FRMD6: variants seen among roughly 807,000 people sequenced by gnomAD.
FRMD6 encodes FERM domain containing 6.
A neutral mutation model predicts 73.2 loss-of-function variants in FRMD6; 37 were observed. The observed-to-expected ratio is 0.51, with a 90% confidence interval of 0.39 to 0.66. The LOEUF is 0.66. FRMD6 is among the 30% of genes least tolerant of loss of function. The pLI is 0.00. For synonymous variants in FRMD6, 273 were observed against 282.2 expected (o/e 0.97, Z 0.33); for missense variants, 714 against 780.5 (o/e 0.91, Z 1.02).
At chr14:51,434,724 T>G in the FRMD6 span, among the ~76,000 whole-genome samples, 8 of 152,146 alleles carry the variant, frequency 5.3e-5, no homozygotes, top group Non-Finnish European at 1.0e-4. Flanking sequence ...ATTTGCATAG[T>G]CTTAAATTTT....
chr14:51,671,534 GT>G (rs1438372388), intron 1 of FRMD6, among the ~76,000 whole-genome samples: 7 of 152,166 alleles, frequency 4.6e-5, no homozygotes, highest in Admixed American at 1.3e-4. Context: ...ATAGGATCTA[GT>G]TTGAGGCACT....
chr14:51,578,064 G>A (rs7143090), intron 2 of FRMD6, among the ~76,000 whole-genome samples: 47,876 of 151,982 alleles, frequency 0.32, 7,984 homozygotes, highest in African/African-American at 0.41. Context: ...AGAAGCCATC[G>A]TTGCTGTTAT....
chr14:51,415,216 C>A, the FRMD6 span, among the ~76,000 whole-genome samples: 2 of 152,204 alleles, frequency 1.3e-5, no homozygotes, highest in African/African-American at 2.4e-5. Context: ...GAGAGGGCAT[C>A]CCTGTCTTGT....
chr14:51,487,585 A>G (rs1166034051), upstream of FRMD6, among the ~76,000 whole-genome samples: 1 of 152,202 alleles, frequency 6.6e-6, no homozygotes, highest in Non-Finnish European at 1.5e-5. Context: ...ATCCATAGTT[A>G]TTGTTGGAAG....
At chr14:51,550,591 A>C (rs892316129) in intron 1 of FRMD6, among the ~76,000 whole-genome samples, 6 of 91,156 alleles carry the variant, frequency 6.6e-5, no homozygotes, top group Admixed American at 1.1e-4. Flanking sequence ...CCCCCCCGCC[A>C]TGCTTATAGC....
At chr14:51,506,138 C>T (rs749716905) in intron 1 of FRMD6, among the ~76,000 whole-genome samples, 2 of 152,202 alleles carry the variant, frequency 1.3e-5, no homozygotes, top group Non-Finnish European at 2.9e-5. Flanking sequence ...TATGCTCTTT[C>T]CTCTGCATGA....
intron 10 of FRMD6, among the ~76,000 whole-genome samples, chr14:51,718,277 A>C (rs1897341339): frequency 6.6e-6 from 1 of 152,198 alleles, no homozygotes; most frequent in African/African-American, 2.4e-5. Context: ...AATAGGTAGA[A>C]AACAGGCTGG....
chr14:51,545,106 A>G (rs954083156), intron 1 of FRMD6, among the ~76,000 whole-genome samples: 1 of 152,072 alleles, frequency 6.6e-6, no homozygotes, highest in Non-Finnish European at 1.5e-5. Flanking sequence ...TCATTCTTTA[A>G]TTTTTGTTAA....
At chr14:51,510,045 A>G (rs1175330592) in intron 1 of FRMD6, among the ~76,000 whole-genome samples, 3 of 152,236 alleles carry the variant, frequency 2.0e-5, no homozygotes, top group Non-Finnish European at 4.4e-5. Context: ...GCCATTTTGG[A>G]GGAAAACATT....
At chr14:51,414,227 T>C in the FRMD6 span, among the ~76,000 whole-genome samples, 1 of 152,122 alleles carries the variant, frequency 6.6e-6, no homozygotes, top group Non-Finnish European at 1.5e-5. Context: ...AAGTCCTTGC[T>C]CATGCCTATG....
chr14:51,641,594 T>C (rs1891812105), intron 2 of FRMD6, among the ~76,000 whole-genome samples: 1 of 152,134 alleles, frequency 6.6e-6, no homozygotes, highest in South Asian at 2.1e-4. Flanking sequence ...ATCTCACTCT[T>C]TAGGTCCCAA....
At chr14:51,696,274 T>G (rs1018563517) in intron 2 of FRMD6, among the ~76,000 whole-genome samples, 2 of 151,570 alleles carry the variant, frequency 1.3e-5, no homozygotes, top group African/African-American at 4.8e-5. Flanking sequence ...CTATCCAAAC[T>G]CTAATAAACC....
chr14:51,648,223 G>A (rs1273916936), upstream of FRMD6, among the ~76,000 whole-genome samples: 1 of 152,150 alleles, frequency 6.6e-6, no homozygotes, highest in East Asian at 1.9e-4. Flanking sequence ...GAAAATACCT[G>A]TAAAGGAATG....
the FRMD6 span, among the ~76,000 whole-genome samples, chr14:51,442,645 A>G: frequency 6.6e-6 from 1 of 152,202 alleles, no homozygotes; most frequent in Non-Finnish European, 1.5e-5. Flanking sequence ...GGCAGAAACT[A>G]TGCCTTTTAA....
intron 1 of FRMD6, among the ~76,000 whole-genome samples, chr14:51,564,415 T>C (rs1025378816): frequency 6.6e-6 from 1 of 152,136 alleles, no homozygotes; most frequent in Non-Finnish European, 1.5e-5. Flanking sequence ...TTAAAAGTTT[T>C]AAATGAGATG....
intron 1 of FRMD6, among the ~76,000 whole-genome samples, chr14:51,504,414 G>T (rs1371894759): frequency 6.6e-6 from 1 of 152,224 alleles, no homozygotes; most frequent in Non-Finnish European, 1.5e-5. Context: ...AACGGGGTCA[G>T]GCACTTGCTT....
the FRMD6 span, among the ~76,000 whole-genome samples, chr14:51,433,665 G>C: frequency 1.3e-5 from 2 of 152,346 alleles, no homozygotes; most frequent in East Asian, 3.9e-4. Context: ...GTTACCTACA[G>C]AGGGTAGATG....
chr14:51,440,151 T>C, the FRMD6 span, among the ~76,000 whole-genome samples: 1 of 152,232 alleles, frequency 6.6e-6, no homozygotes, highest in South Asian at 2.1e-4. Flanking sequence ...GCTAACAAAC[T>C]TCAGCAGATC....
At chr14:51,673,068 G>A (rs1894133379) in intron 1 of FRMD6, among the ~76,000 whole-genome samples, 2 of 152,134 alleles carry the variant, frequency 1.3e-5, no homozygotes, top group South Asian at 2.1e-4. Context: ...TATAGAGTTG[G>A]TTCAGGGCAG....
Sources: gnomAD v4.1 joint callset for allele counts (sites outside exome capture counted in the v4.1 genomes callset) on GRCh38, gnomAD v4.1.1 for gene constraint, MANE v1.5 for transcripts, NCBI Gene and HGNC (gene_info 2026-07-23, HGNC 2026-07-21) for gene names.